Variants in SUPT16H observed in about 807,000 individuals in gnomAD.
SUPT16H encodes the protein SPT16 homolog, facilitates chromatin remodeling subunit.
Under a neutral mutation model 136.2 loss-of-function variants are expected in SUPT16H, and 24 were observed. That is an observed-to-expected ratio of 0.18 (90% CI 0.13 to 0.25). The LOEUF (loss-of-function observed/expected upper bound fraction) is 0.25. Ranked by LOEUF, SUPT16H falls within the 10% of genes least tolerant of loss-of-function variation. The pLI is 1.00. For synonymous variants in SUPT16H, 415 were observed against 428.2 expected, an observed-to-expected ratio of 0.97 and a Z score of 0.38; for missense variants, 623 against 1,270.2, an observed-to-expected ratio of 0.49 and a Z score of 7.74.
At chr14:21,377,640 T>C (rs537326277) in intron 1 of SUPT16H, among the ~76,000 whole-genome samples, 4 of 150,542 alleles carry the variant, frequency 2.7e-5, no homozygotes, top group Non-Finnish European at 5.9e-5. Context: ...TATTCTTTTT[T>C]TGAGACACAG....
chr14:21,368,558 C>A (rs1034728721), intron 6 of SUPT16H, 117 bp from the exon 7 acceptor site: 20 of 1,155,992 alleles, frequency 1.7e-5, no homozygotes, highest in Admixed American at 3.1e-5. Flanking sequence ...AAAGCTGTGG[C>A]TGAATAAGGA....
intron 10 of SUPT16H, among the ~76,000 whole-genome samples, chr14:21,364,239 G>C (rs1454870065): frequency 6.6e-6 from 1 of 152,152 alleles, no homozygotes; most frequent in African/African-American, 2.4e-5. Flanking sequence ...TTCGCTGAGG[G>C]AAAGAAGCCA....
At chr14:21,353,348 G>A (rs957292492) in intron 25 of SUPT16H, 140 bp downstream of exon 25, 2 of 774,458 alleles carry the variant, frequency 2.6e-6, no homozygotes, top group East Asian at 5.3e-5. Context: ...CAATGAAGTT[G>A]TATCTGTGGC....
intron 3 of SUPT16H, 53 bp from the exon 4 acceptor site, chr14:21,370,541 C>CA: frequency 6.4e-7 from 1 of 1,571,740 alleles, no homozygotes; most frequent in Non-Finnish European, 8.7e-7. Flanking sequence ...GTTCATTAGA[C>CA]ACGTTTTACC....
chr14:21,354,219 A>C (rs1886380732), intron 23 of SUPT16H, among the ~76,000 whole-genome samples, 192 bp downstream of exon 23: 1 of 152,236 alleles, frequency 6.6e-6, no homozygotes, highest in Admixed American at 6.5e-5. Context: ...TGTAATTTCC[A>C]AGAAATCTTG....
rs562421655 is a variant in SUPT16H at position 21,357,702 on chromosome 14, C to CTGGCCTCAAGTGTTCCTCCCACCT, written c.2490+201_2490+224dup. Among the ~76,000 whole-genome samples the CTGGCCTCAAGTGTTCCTCCCACCT allele has an allele frequency of 1.3e-4, 20 of 152,196 alleles. No individual in the cohort carries two copies. The South Asian group carries it at 2.5e-3, about 19-fold the overall frequency. ...TGTTGCCCAGACTGGTCTTGAGTTC[C>CTGGCCTCAAGTGTTCCTCCCACCT]TGGCCTCAAGTGTTCCTCCCACCTT... On this transcript the variant is annotated intron_variant, in intron 21 of 25. Coordinates refer to ENST00000216297, the MANE Select transcript of SUPT16H (RefSeq NM_007192.4).
At chr14:21,379,011 T>C (rs1886963507) in intron 1 of SUPT16H, among the ~76,000 whole-genome samples, 1 of 152,160 alleles carries the variant, frequency 6.6e-6, no homozygotes, top group Non-Finnish European at 1.5e-5. Flanking sequence ...GATACTGCCT[T>C]AAAAAAAGAA....
intron 8 of SUPT16H, among the ~76,000 whole-genome samples, chr14:21,365,591 A>G (rs1886647851): frequency 6.6e-6 from 1 of 152,230 alleles, no homozygotes; most frequent in South Asian, 2.1e-4. Flanking sequence ...TCTAGAAACT[A>G]TATACCATAG....
intron 1 of SUPT16H, among the ~76,000 whole-genome samples, chr14:21,377,002 G>A (rs563857629): frequency 2.7e-5 from 4 of 150,580 alleles, no homozygotes; most frequent in African/African-American, 9.8e-5. Flanking sequence ...GAACCTGGGA[G>A]GTTGCAGTAA....
intron 8 of SUPT16H, 101 bp from the exon 9 acceptor site, chr14:21,365,244 T>C (rs925597196): frequency 1.7e-6 from 2 of 1,146,184 alleles, no homozygotes; most frequent in Non-Finnish European, 2.5e-6. Context: ...CAGGCAAACA[T>C]GTTTGAAATG....
chr14:21,372,939 G>A (rs1430088436), intron 2 of SUPT16H, among the ~76,000 whole-genome samples: 1 of 152,126 alleles, frequency 6.6e-6, no homozygotes, highest in African/African-American at 2.4e-5. Flanking sequence ...ATGGGACTGA[G>A]AAATTGAAAT....
At position 21,362,892 on chromosome 14, in the gene SUPT16H, G is replaced by A. The variant is rs1213472003; in HGVS notation, c.1567C>T (p.His523Tyr). The change falls in exon 14 of 26, where the codon CAT (histidine) becomes TAT (tyrosine). Residue 523 changes from histidine (H) to tyrosine (Y), a missense_variant. Around this residue, in one of 7 missense-constraint regions of SUPT16H, gnomAD observed 62 missense variants for 200.5 expected, o/e 0.31. Transcript: ENST00000216297. The stretch of plus-strand genomic sequence containing the variant: ...ATGTAGATCTTCATTTCCCGAATAT[G>A]TGGTTCCTTAGGCATCAGAGATGGG... ...KNPSLMPKEP[H>Y]IREMKIYIDK... The A allele has an allele frequency of 6.2e-7, 1 of 1,613,588 alleles. No homozygotes were observed. The highest frequency in any genetic ancestry group is 8.5e-7 in the Non-Finnish European group (1 of 1,179,912).
chr14:21,361,652 C>T (rs1444287862), intron 15 of SUPT16H, among the ~76,000 whole-genome samples: 1 of 152,176 alleles, frequency 6.6e-6, no homozygotes. Context: ...TCTGGTATAA[C>T]ATCCCCAAAT....
chr14:21,373,353 T>C lies in SUPT16H; in HGVS notation c.144A>G (p.Lys48=), dbSNP rs1566392800. The C allele has an allele frequency of 1.2e-6, 2 of 1,613,844 alleles. No individual in the cohort carries two copies. Among genetic ancestry groups the C allele is most frequent in the Non-Finnish European group, 1.7e-6 (2 of 1,179,840 alleles). ...AATCTCTCACCTGTAAGGCAGTTGA[T>C]TTGGCATAAACAATTTCTTCATCAA... ...VGVDEEIVYA[K]STALQTWLFG... is the part of the protein sequence containing the mutation. Residue 48 remains lysine, a synonymous_variant, in exon 2 of 26, where the codon AAA becomes AAG. Transcript: ENST00000216297.
At chr14:21,363,636 A>T in intron 10 of SUPT16H, 133 bp from the exon 11 acceptor site, 1 of 777,440 alleles carries the variant, frequency 1.3e-6, no homozygotes, top group Non-Finnish European at 2.1e-6. Flanking sequence ...TATAGTTTTT[A>T]TCCTTCTAAC....
intron 7 of SUPT16H, 71 bp from the exon 8 acceptor site, chr14:21,366,600 A>G: frequency 2.1e-6 from 3 of 1,412,034 alleles, no homozygotes. Flanking sequence ...TTTAAAATCA[A>G]AATTTATGTC....
intron 21 of SUPT16H, 114 bp from the exon 22 acceptor site, chr14:21,357,480 T>TG: frequency 3.3e-6 from 4 of 1,206,800 alleles, no homozygotes; most frequent in Admixed American, 3.5e-5. Flanking sequence ...AGCTGTTTTT[T>TG]GGTTTTTTTT....
intron 10 of SUPT16H, 139 bp downstream of exon 10, chr14:21,364,688 T>C (rs985075288): frequency 4.5e-6 from 3 of 660,726 alleles, no homozygotes; most frequent in African/African-American, 1.8e-5. Flanking sequence ...TCTCTATTCC[T>C]AGCTGCATTA....
intron 2 of SUPT16H, 54 bp from the exon 3 acceptor site, chr14:21,372,098 A>G (rs1368798201): frequency 1.3e-6 from 2 of 1,541,428 alleles, no homozygotes; most frequent in Middle Eastern, 2.1e-4. Flanking sequence ...AAATTAATGG[A>G]CTCATATAGA....
Sources: gnomAD v4.1 joint callset for allele counts (sites outside exome capture counted in the v4.1 genomes callset) on GRCh38, gnomAD v4.1.1 for gene constraint, gnomAD v4.1.1 regional missense constraint, MANE v1.5 for transcripts, NCBI Gene and HGNC (gene_info 2026-07-23, HGNC 2026-07-21) for gene names.